The following CASQ2 variants were observed in gnomAD, a reference collection of about 807,000 sequenced individuals.
CASQ2 encodes calsequestrin-2.
In CASQ2, 49 loss-of-function variants were observed where a neutral mutation model predicts 46.5. That is an observed-to-expected ratio of 1.05 (90% CI 0.84 to 1.34). The LOEUF is 1.34. Among genes scored for constraint, CASQ2 ranks in the 40% most tolerant of loss-of-function variants. CASQ2 has a pLI of 0.00. For missense variants in CASQ2, 486 were observed against 481.3 expected (o/e 1.01, Z -0.09); for synonymous variants, 174 against 168.5 (o/e 1.03, Z -0.25).
intron 6 of CASQ2, 37 bp downstream of exon 6, chr1:115,726,955 C>G (rs1647614504): frequency 3.5e-6 from 3 of 845,672 alleles, no homozygotes; most frequent in Non-Finnish European, 5.7e-6. Flanking sequence ...ATTCCCCAGA[C>G]CCCAGGCCCC....
intron 1 of CASQ2, among the ~76,000 whole-genome samples, chr1:115,755,869 C>T (rs907011778): frequency 3.3e-5 from 5 of 152,230 alleles, no homozygotes; most frequent in Non-Finnish European, 5.9e-5. Context: ...TGCAGTCACA[C>T]AGCTAGTGCA....
Position 115,744,927 on chromosome 1 carries a change from G to A in CASQ2, c.235-15C>T. The A allele has an allele frequency of 6.3e-7, 1 of 1,577,562 alleles. No individual in the cohort carries two copies. Among genetic ancestry groups the A allele is most frequent in the African/African-American group, 1.3e-5 (1 of 74,290 alleles). On this transcript the variant is annotated splice_polypyrimidine_tract_variant and intron_variant, in intron 1 of 10. Coordinates refer to ENST00000261448, the MANE Select transcript of CASQ2 (RefSeq NM_001232.4). Reference sequence around the variant, plus strand: ...TGGGCCACAAGCTGAAGAAACAAATGGAAAGATGAGTGTGCTAAGGGCAGA... The same window carrying A: ...TGGGCCACAAGCTGAAGAAACAAATAGAAAGATGAGTGTGCTAAGGGCAGA...
intron 8 of CASQ2, among the ~76,000 whole-genome samples, chr1:115,710,782 G>T (rs575933354): frequency 1.3e-5 from 2 of 152,280 alleles, no homozygotes; most frequent in East Asian, 3.9e-4. Flanking sequence ...CTCCTCTCCT[G>T]CCACTCAGGC....
chr1:115,701,050 G>A lies in CASQ2; in HGVS notation c.*191C>T, dbSNP rs1050748719. The A allele has an allele frequency of 2.5e-6, 2 of 786,954 alleles. No homozygotes were observed. The highest frequency in any genetic ancestry group is 3.1e-5 in the South Asian group (2 of 65,512). 48.7% of individuals were successfully genotyped at this position (786,954 alleles called of 1,614,324 possible). A position where few individuals can be genotyped will look rare whatever the true frequency, so the allele number is the denominator to read the frequency against. Reference sequence around the variant, plus strand: ...AATTTTTCTCCTGTCCCTGCTAAGTGGGATTGCTGCATTTGAAAAGGCATT... The same window carrying A: ...AATTTTTCTCCTGTCCCTGCTAAGTAGGATTGCTGCATTTGAAAAGGCATT... On this transcript the variant is annotated 3_prime_UTR_variant, in exon 11 of 11. Transcript: ENST00000261448.
intron 2 of CASQ2, among the ~76,000 whole-genome samples, chr1:115,742,909 C>T (rs1013964143): frequency 6.6e-6 from 1 of 152,086 alleles, no homozygotes; most frequent in Middle Eastern, 3.2e-3. Flanking sequence ...CTGCCTCAGC[C>T]TCCCGAGTAG....
intron 1 of CASQ2, among the ~76,000 whole-genome samples, chr1:115,749,653 C>T (rs920464676): frequency 1.3e-5 from 2 of 152,222 alleles, no homozygotes; most frequent in Non-Finnish European, 2.9e-5. Flanking sequence ...TAGCAAGTCT[C>T]CTTCATGGGA....
chr1:115,759,266 A>G (rs1234283366), intron 1 of CASQ2, among the ~76,000 whole-genome samples: 2 of 152,234 alleles, frequency 1.3e-5, no homozygotes, highest in Non-Finnish European at 2.9e-5. Flanking sequence ...GGGTCTAGTC[A>G]GAGGTGTTTG....
At position 115,724,394 on chromosome 1, in the gene CASQ2, C is replaced by CTG. The variant is rs1473668074; in HGVS notation, c.783+1112_783+1113dup. On this transcript the variant is annotated intron_variant, in intron 7 of 10. Coordinates refer to ENST00000261448, the MANE Select transcript of CASQ2 (RefSeq NM_001232.4). Reference sequence around the variant, plus strand: ...CATGTCTCACTGAAGTCTCAAGCTGCTGTGCTCAAACAATCCTCCCACCTC... The same window carrying CTG: ...CATGTCTCACTGAAGTCTCAAGCTGCTGTGTGCTCAAACAATCCTCCCACCTC... 2.6e-5 allele frequency among the ~76,000 whole-genome samples: 4 copies of CTG among 152,318 alleles called. No homozygotes were observed. In the East Asian group the frequency reaches 7.7e-4, roughly 29 times the overall value.
intron 1 of CASQ2, among the ~76,000 whole-genome samples, chr1:115,758,118 C>T (rs1648823673): frequency 6.6e-6 from 1 of 152,202 alleles, no homozygotes; most frequent in South Asian, 2.1e-4. Flanking sequence ...GAAGCAATCC[C>T]TTTCAGCTGC....
chr1:115,736,615 C>G (rs1177579353), intron 4 of CASQ2, among the ~76,000 whole-genome samples: 1 of 152,008 alleles, frequency 6.6e-6, no homozygotes, highest in Non-Finnish European at 1.5e-5. Flanking sequence ...CCAGCCTAGG[C>G]AACAGAGCAA....
At chr1:115,762,662 T>G (rs1649004648) in intron 1 of CASQ2, among the ~76,000 whole-genome samples, 1 of 152,228 alleles carries the variant, frequency 6.6e-6, no homozygotes, top group Non-Finnish European at 1.5e-5. Flanking sequence ...CTATAGACGA[T>G]TTAAGTGGCC....
At chr1:115,741,584 T>C (rs1473051395) in intron 2 of CASQ2, among the ~76,000 whole-genome samples, 1 of 152,192 alleles carries the variant, frequency 6.6e-6, no homozygotes, top group Non-Finnish European at 1.5e-5. Context: ...GCTGTGTACA[T>C]CAGCAACCCA....
intron 3 of CASQ2, among the ~76,000 whole-genome samples, chr1:115,739,326 A>G (rs1008198714): frequency 1.9e-4 from 29 of 151,480 alleles, no homozygotes; most frequent in Non-Finnish European, 3.1e-4. Flanking sequence ...CGTATTAGCC[A>G]GGATGGTCTC....
At chr1:115,756,995 G>A (rs1648786372) in intron 1 of CASQ2, among the ~76,000 whole-genome samples, 1 of 152,028 alleles carries the variant, frequency 6.6e-6, no homozygotes, top group African/African-American at 2.4e-5. Flanking sequence ...TTTGGGAGGA[G>A]GTCTACCTCA....
At chr1:115,768,195 G>A (rs1038715449) in intron 1 of CASQ2, 113 bp downstream of exon 1, 1 of 777,542 alleles carries the variant, frequency 1.3e-6, no homozygotes, top group Non-Finnish European at 2.3e-6. Context: ...AAATAAAGCA[G>A]AGTTCAGTAT....
At chr1:115,741,041 G>T (rs1003366597) in intron 2 of CASQ2, among the ~76,000 whole-genome samples, 1 of 152,172 alleles carries the variant, frequency 6.6e-6, no homozygotes, top group African/African-American at 2.4e-5. Flanking sequence ...AATTCCAGCT[G>T]GATTTTGACT....
rs7554582 is a variant in CASQ2, at chr1:115,741,126, T to C, written c.320-298A>G. ...ATACAGCTGATCCCATGTCATTCTC[T>C]TTATCAAAGAATTGTAATGGCCACT... On this transcript the variant is annotated intron_variant, in intron 2 of 10. Coordinates refer to ENST00000261448, the MANE Select transcript of CASQ2 (RefSeq NM_001232.4). 0.71 allele frequency among the ~76,000 whole-genome samples: 108,126 copies of C among 152,130 alleles called. 42,154 individuals carry two copies. The highest frequency in any genetic ancestry group is 0.88 in the Non-Finnish European group (59,521 of 68,020).
intron 7 of CASQ2, among the ~76,000 whole-genome samples, chr1:115,722,107 C>T (rs973808415): frequency 6.6e-6 from 1 of 152,142 alleles, no homozygotes; most frequent in East Asian, 1.9e-4. Context: ...CCTGCCTTCC[C>T]CCTAGTTGGA....
chr1:115,765,582 G>A (rs923907156), intron 1 of CASQ2, among the ~76,000 whole-genome samples: 2 of 151,604 alleles, frequency 1.3e-5, no homozygotes, highest in African/African-American at 4.8e-5. Flanking sequence ...AAGAGAACAG[G>A]ATAAAAATAG....
Sources: allele counts gnomAD v4.1 joint callset (sites outside exome capture counted in the v4.1 genomes callset), GRCh38; gene constraint gnomAD v4.1.1; transcripts MANE v1.5; gene names NCBI Gene and HGNC (gene_info 2026-07-23, HGNC 2026-07-21).